Variants in WDFY4 observed in about 807,000 individuals in gnomAD.
WDFY4 encodes WDFY family member 4, also known as WD repeat- and FYVE domain-containing protein 4.
Under a neutral mutation model 351.9 loss-of-function variants are expected in WDFY4, and 169 were observed. That is an observed-to-expected ratio of 0.48 (90% CI 0.42 to 0.55). WDFY4 has a LOEUF of 0.55. Among genes scored for constraint, WDFY4 ranks in the 20% least tolerant of loss-of-function variants. The probability of loss-of-function intolerance (pLI) is 0.00; values close to 1 mark genes in which losing one functional copy is unlikely to be tolerated. For missense variants in WDFY4, 3,803 were observed against 3,935.6 expected (o/e 0.97, Z 0.90); for synonymous variants, 1,622 against 1,574.6 (o/e 1.03, Z -0.71).
At chr10:48,710,375 A>C (rs901936750) in intron 2 of WDFY4, among the ~76,000 whole-genome samples, 3 of 152,146 alleles carry the variant, frequency 2.0e-5, no homozygotes, top group African/African-American at 7.2e-5. Flanking sequence ...ACCTCCTGAC[A>C]CCATTACCTT....
chr10:48,835,553 A>G (rs943416630), intron 39 of WDFY4, among the ~76,000 whole-genome samples: 1 of 152,224 alleles, frequency 6.6e-6, no homozygotes, highest in African/African-American at 2.4e-5. Context: ...TTTTAGCACC[A>G]GGAAGAACTA....
intron 30 of WDFY4, among the ~76,000 whole-genome samples, chr10:48,813,620 TC>T (rs1439891114): frequency 6.6e-6 from 1 of 152,166 alleles, no homozygotes; most frequent in African/African-American, 2.4e-5. Flanking sequence ...TGCTGAAGTT[TC>T]CCCTGAAACC....
chr10:48,757,328 G>A (rs116229330), intron 12 of WDFY4, among the ~76,000 whole-genome samples: 1 of 151,976 alleles, frequency 6.6e-6, no homozygotes, highest in South Asian at 2.1e-4. Context: ...GTGCAAACAC[G>A]TTTTGAATTG....
chr10:48,826,268 A>T (rs928195498), intron 35 of WDFY4, among the ~76,000 whole-genome samples: 1 of 152,070 alleles, frequency 6.6e-6, no homozygotes, highest in Non-Finnish European at 1.5e-5. Flanking sequence ...ATGGTTGTAG[A>T]TGTGTGGTCT....
intron 19 of WDFY4, 142 bp downstream of exon 19, chr10:48,780,261 T>C: frequency 9.0e-7 from 1 of 1,114,102 alleles, no homozygotes; most frequent in Non-Finnish European, 1.3e-6. Context: ...TAATGAAATC[T>C]GCCTTACTGT....
rs1840879069 is a variant in WDFY4, at chr10:48,943,327, T to C, written c.7630-3T>C. The C allele has an allele frequency of 1.9e-6, 3 of 1,551,476 alleles. No homozygotes were observed. The highest frequency in any genetic ancestry group is 1.4e-5 in the African/African-American group (1 of 73,140). On this transcript the variant is annotated splice_polypyrimidine_tract_variant and splice_region_variant and intron_variant, in intron 48 of 61. Transcript: ENST00000325239. Reference sequence around the variant, plus strand: ...TTTATCCCCTTTCTGTCTCTTCTGGTAGAAAAGGGACATCAGCAATTTTGA... The same window carrying C: ...TTTATCCCCTTTCTGTCTCTTCTGGCAGAAAAGGGACATCAGCAATTTTGA...
intron 2 of WDFY4, 122 bp downstream of exon 2, chr10:48,710,088 G>C: frequency 1.1e-6 from 1 of 937,304 alleles, no homozygotes; most frequent in Non-Finnish European, 1.6e-6. Context: ...GGTTGCTCAG[G>C]GGAGTGTTGT....
chr10:48,840,968 G>A (rs904795032), intron 39 of WDFY4, among the ~76,000 whole-genome samples: 14 of 152,140 alleles, frequency 9.2e-5, no homozygotes, highest in Admixed American at 7.2e-4. Flanking sequence ...ATCTAATTAA[G>A]TTCATTAAGC....
At chr10:48,968,888 G>A (rs1842208800) in intron 55 of WDFY4, 176 bp from the exon 56 acceptor site, 1 of 650,962 alleles carries the variant, frequency 1.5e-6, no homozygotes, top group Non-Finnish European at 2.6e-6. Context: ...CTGTGCATAA[G>A]TTCAAGTCCA....
At chr10:48,724,333 G>A (rs2064193140) in intron 5 of WDFY4, among the ~76,000 whole-genome samples, 1 of 152,124 alleles carries the variant, frequency 6.6e-6, no homozygotes, top group South Asian at 2.1e-4. Context: ...GTACACACAT[G>A]TCCACATTGG....
intron 13 of WDFY4, among the ~76,000 whole-genome samples, chr10:48,761,819 A>G (rs1456055259): frequency 6.6e-6 from 1 of 152,204 alleles, no homozygotes; most frequent in Non-Finnish European, 1.5e-5. Context: ...TTGAGCAGCT[A>G]CTCTGTCCCA....
chr10:48,758,936 G>T (rs1589535757), intron 12 of WDFY4, among the ~76,000 whole-genome samples: 1 of 152,024 alleles, frequency 6.6e-6, no homozygotes, highest in Non-Finnish European at 1.5e-5. Context: ...GACTTCCCTG[G>T]TTCATTCTAT....
At chr10:48,842,262 A>C (rs1372181307) in intron 39 of WDFY4, among the ~76,000 whole-genome samples, 1 of 151,778 alleles carries the variant, frequency 6.6e-6, no homozygotes, top group Non-Finnish European at 1.5e-5. Context: ...ACAGCCCATC[A>C]ATGTGGGTGC....
At chr10:48,835,366 A>G (rs1273632605) in intron 39 of WDFY4, among the ~76,000 whole-genome samples, 1 of 152,178 alleles carries the variant, frequency 6.6e-6, no homozygotes, top group East Asian at 1.9e-4. Flanking sequence ...TAATTTATGA[A>G]GAACATGAGC....
At chr10:48,869,202 C>T (rs1231065336) in intron 40 of WDFY4, among the ~76,000 whole-genome samples, 1 of 152,144 alleles carries the variant, frequency 6.6e-6, no homozygotes, top group African/African-American at 2.4e-5. Flanking sequence ...CCAAGAAAGG[C>T]CCATTCCACT....
intron 2 of WDFY4, among the ~76,000 whole-genome samples, chr10:48,711,340 A>G (rs965065409): frequency 1.3e-5 from 2 of 152,222 alleles, no homozygotes; most frequent in Non-Finnish European, 2.9e-5. Context: ...AAGATAGCTA[A>G]AGATTCTCAG....
chr10:48,867,159 G>T, intron 39 of WDFY4, 106 bp from the exon 40 acceptor site: 1 of 304,728 alleles, frequency 3.3e-6, no homozygotes, highest in Non-Finnish European at 4.5e-6. Flanking sequence ...GACAGAATGA[G>T]ACTGTGTCTC....
intron 1 of WDFY4, among the ~76,000 whole-genome samples, chr10:48,685,862 C>T (rs573870222): frequency 2.1e-5 from 3 of 140,172 alleles, no homozygotes; most frequent in East Asian, 2.4e-4. Flanking sequence ...CTGGTCAAAG[C>T]GGACAGGGGT....
At chr10:48,784,322 G>T (rs1013505694) in intron 19 of WDFY4, among the ~76,000 whole-genome samples, 1 of 152,104 alleles carries the variant, frequency 6.6e-6, no homozygotes, top group Non-Finnish European at 1.5e-5. Flanking sequence ...GATGAGTGAG[G>T]CAGTTTTTCT....
Sources: gnomAD v4.1 joint callset for allele counts (sites outside exome capture counted in the v4.1 genomes callset) on GRCh38, gnomAD v4.1.1 for gene constraint, MANE v1.5 for transcripts, NCBI Gene and HGNC (gene_info 2026-07-23, HGNC 2026-07-21) for gene names.